FMN1: variants seen among roughly 807,000 people sequenced by gnomAD.
The protein encoded by FMN1 is formin 1.
In FMN1, 110 loss-of-function variants were observed where a neutral mutation model predicts 132.4. The ratio of observed to expected loss-of-function variants is 0.83; its 90% CI spans 0.71 to 0.97. The LOEUF is 0.97. FMN1 is among the 50% of genes least tolerant of loss of function. The probability of loss-of-function intolerance (pLI) is 0.00; values close to 1 mark genes in which losing one functional copy is unlikely to be tolerated. For synonymous variants in FMN1, 722 were observed against 651.7 expected (o/e 1.11, Z -1.64); for missense variants, 1,792 against 1,705.3 (o/e 1.05, Z -0.90).
intron 15 of FMN1, among the ~76,000 whole-genome samples, chr15:32,890,166 C>G (rs1486611904): frequency 6.6e-6 from 1 of 152,204 alleles, no homozygotes; most frequent in Non-Finnish European, 1.5e-5. Context: ...TTTAATCACT[C>G]TTTGACTGAT....
chr15:32,994,615 T>C (rs903503184), intron 7 of FMN1, among the ~76,000 whole-genome samples: 6 of 152,190 alleles, frequency 3.9e-5, no homozygotes, highest in African/African-American at 1.4e-4. Context: ...GTGGGGCCTA[T>C]TATCTGTCCT....
At chr15:32,880,048 T>C (rs2059728571) in intron 16 of FMN1, among the ~76,000 whole-genome samples, 1 of 136,608 alleles carries the variant, frequency 7.3e-6, no homozygotes, top group South Asian at 2.3e-4. Context: ...AACAAGCTTC[T>C]ATTGTTTTTT....
intron 4 of FMN1, among the ~76,000 whole-genome samples, chr15:33,133,336 C>A (rs1387322850): frequency 2.0e-5 from 3 of 152,208 alleles, no homozygotes; most frequent in African/African-American, 7.2e-5. Flanking sequence ...GAGCAAGACA[C>A]AGTCCCTGAG....
rs577349734 is a variant in FMN1 at position 33,142,132 on chromosome 15, C to A, written c.1867+10916G>T. ...TGTACCTATAACTATACCAACAACTCCAGATTCATCAGACTCTATAAAGTA... is the reference window on the plus strand; with the variant it reads ...TGTACCTATAACTATACCAACAACTACAGATTCATCAGACTCTATAAAGTA... On this transcript the variant is annotated intron_variant, in intron 4 of 20. Coordinates refer to ENST00000616417, the MANE Select transcript of FMN1 (RefSeq NM_001277313.2). Among the ~76,000 whole-genome samples the A allele has an allele frequency of 2.6e-5, 4 of 152,284 alleles. No homozygotes were observed. In the East Asian group the frequency reaches 7.7e-4, roughly 29 times the overall value.
chr15:32,810,409 C>G (rs1000564686), intron 17 of FMN1, among the ~76,000 whole-genome samples: 5 of 152,174 alleles, frequency 3.3e-5, no homozygotes, highest in Admixed American at 1.3e-4. Flanking sequence ...CTATGTCCTG[C>G]TTTTAGACTG....
At chr15:33,053,839 A>G (rs2037092508) in intron 6 of FMN1, among the ~76,000 whole-genome samples, 1 of 152,170 alleles carries the variant, frequency 6.6e-6, no homozygotes, top group African/African-American at 2.4e-5. Context: ...TGTGTTCGTT[A>G]ACTCAGAAAC....
chr15:32,813,257 A>G (rs77586757), intron 17 of FMN1, among the ~76,000 whole-genome samples: 2,940 of 152,284 alleles, frequency 0.019, 103 homozygotes, highest in African/African-American at 0.066. Flanking sequence ...GATGACCATA[A>G]TCTCAAACAC....
At position 32,774,374 on chromosome 15, in the gene FMN1, G is replaced by C. The variant is rs1420624938; in HGVS notation, c.4216-20C>G. 6.4e-7 allele frequency: 1 copy of C among 1,558,766 alleles called. No homozygotes were observed. The highest frequency in any genetic ancestry group is 2.3e-5 in the East Asian group (1 of 43,694). ...TTCTTTCTGTTAAGGAAAAAAAAAT[G>C]AATGTATCATTTTCTTTCATCTTTC... On this transcript the variant is annotated intron_variant, in intron 20 of 20. Coordinates refer to ENST00000616417, the MANE Select transcript of FMN1 (RefSeq NM_001277313.2).
At chr15:33,065,508 C>CT (rs1237888308) in intron 5 of FMN1, among the ~76,000 whole-genome samples, 2 of 152,104 alleles carry the variant, frequency 1.3e-5, no homozygotes, top group Non-Finnish European at 2.9e-5. Context: ...CCAAGACACC[C>CT]TTTTTCAAAC....
At chr15:33,122,437 T>C (rs1033809094) in intron 4 of FMN1, among the ~76,000 whole-genome samples, 9 of 152,210 alleles carry the variant, frequency 5.9e-5, no homozygotes, top group African/African-American at 2.2e-4. Flanking sequence ...TTTATAAAAT[T>C]AGTATTGGCT....
chr15:32,841,075 C>G (rs138752626), intron 17 of FMN1, among the ~76,000 whole-genome samples: 11 of 152,306 alleles, frequency 7.2e-5, no homozygotes, highest in African/African-American at 2.6e-4. Context: ...TTGGCTATTA[C>G]TTTAGATATT....
At chr15:32,915,288 T>C (rs141916742) in intron 10 of FMN1, among the ~76,000 whole-genome samples, 131 of 152,358 alleles carry the variant, frequency 8.6e-4, no homozygotes, top group African/African-American at 3.2e-3. Flanking sequence ...GATAATTCTA[T>C]TCTCAAAATA....
chr15:32,816,072 T>A (rs748413961), intron 17 of FMN1, among the ~76,000 whole-genome samples: 17 of 151,986 alleles, frequency 1.1e-4, no homozygotes, highest in Non-Finnish European at 2.4e-4. Context: ...CCGATTATGA[T>A]AATGACTACC....
chr15:32,842,088 A>C (rs1158610355), intron 17 of FMN1, among the ~76,000 whole-genome samples: 1 of 152,144 alleles, frequency 6.6e-6, no homozygotes, highest in Non-Finnish European at 1.5e-5. Flanking sequence ...ACTGGACTGG[A>C]CTGTGACTTC....
At chr15:33,161,896 T>C (rs942316434) in intron 3 of FMN1, among the ~76,000 whole-genome samples, 3 of 149,196 alleles carry the variant, frequency 2.0e-5, no homozygotes, top group Non-Finnish European at 4.4e-5. Context: ...CCAGCCTGGG[T>C]GACAGAGCAA....
chr15:32,928,343 A>G (rs911295401), intron 9 of FMN1, among the ~76,000 whole-genome samples: 2 of 152,168 alleles, frequency 1.3e-5, no homozygotes, highest in African/African-American at 4.8e-5. Context: ...AAAGGCAATT[A>G]AGCATAATAC....
chr15:32,932,989 T>C (rs2061159606), intron 9 of FMN1, among the ~76,000 whole-genome samples: 1 of 152,182 alleles, frequency 6.6e-6, no homozygotes, highest in Admixed American at 6.5e-5. Flanking sequence ...TTTTGCTTTT[T>C]TTCTGCTGAA....
At chr15:33,092,554 C>T (rs2038941526) in intron 4 of FMN1, among the ~76,000 whole-genome samples, 1 of 152,200 alleles carries the variant, frequency 6.6e-6, no homozygotes, top group African/African-American at 2.4e-5. Flanking sequence ...ATGAGACGAA[C>T]ATGGTCCTCG....
rs184487816 is a variant in FMN1 at position 32,953,952 on chromosome 15, C to A, written c.3138+10155G>T. Among the ~76,000 whole-genome samples, 159 of 152,278 alleles carry A rather than the reference C, an allele frequency of 1.0e-3. 2 individuals are homozygous for A. The highest frequency in any genetic ancestry group is 3.8e-3 in the African/African-American group (156 of 41,568). On this transcript the variant is annotated intron_variant, in intron 9 of 20. Transcript: ENST00000616417. ...CTCAGTTTAAAAATGTATGTGGGAA[C>A]GTATCCACATTCAGCTAAGTTCTGA...
Sources: gnomAD v4.1 joint callset for allele counts (sites outside exome capture counted in the v4.1 genomes callset) on GRCh38, gnomAD v4.1.1 for gene constraint, MANE v1.5 for transcripts, NCBI Gene and HGNC (gene_info 2026-07-23, HGNC 2026-07-21) for gene names.